The following IFNG-AS1 variants were observed in gnomAD, a reference collection of about 807,000 sequenced individuals.
IFNG-AS1 encodes the protein IFNG regulatory antisense RNA 1.
At chr12:68,008,181 C>A (rs546971628) in intron 3 of IFNG-AS1, among the ~76,000 whole-genome samples, 1 of 152,216 alleles carries the variant, frequency 6.6e-6, no homozygotes, top group Admixed American at 6.5e-5. Flanking sequence ...CTTTGAGAGG[C>A]CGAGGCAGGC....
intron 2 of IFNG-AS1, among the ~76,000 whole-genome samples, chr12:67,996,373 A>C (rs989487999): frequency 3.3e-5 from 5 of 152,248 alleles, no homozygotes; most frequent in African/African-American, 1.2e-4. Flanking sequence ...ATGCCATCTA[A>C]CTAGTTTCAT....
intron 3 of IFNG-AS1, chr12:68,006,213 A>G (rs1365896718): frequency 6.6e-6 from 1 of 152,240 alleles, no homozygotes. Flanking sequence ...CAGGTGATCA[A>G]AGGACAAAAG....
intron 1 of IFNG-AS1, among the ~76,000 whole-genome samples, chr12:67,995,395 T>TG (rs1175611679): frequency 1.6e-4 from 18 of 114,050 alleles, no homozygotes; most frequent in East Asian, 7.8e-4. Context: ...CACTCCAGCC[T>TG]GGTGACAGAG....
At chr12:68,002,911 G>A (rs1372291070) in intron 2 of IFNG-AS1, among the ~76,000 whole-genome samples, 2 of 152,072 alleles carry the variant, frequency 1.3e-5, no homozygotes, top group Non-Finnish European at 2.9e-5. Context: ...TCTCTAAGTA[G>A]GTAAAAGTAA....
chr12:67,992,167 A>G (rs940072033), intron 1 of IFNG-AS1, among the ~76,000 whole-genome samples: 1 of 152,098 alleles, frequency 6.6e-6, no homozygotes, highest in Non-Finnish European at 1.5e-5. Context: ...AATAATATTG[A>G]GTATTGTTTT....
intron 1 of IFNG-AS1, among the ~76,000 whole-genome samples, chr12:67,994,114 A>G (rs1272921015): frequency 6.6e-6 from 1 of 152,230 alleles, no homozygotes; most frequent in East Asian, 1.9e-4. Context: ...AGAGGAAGGC[A>G]GTCATCATCA....
intron 1 of IFNG-AS1, among the ~76,000 whole-genome samples, chr12:67,994,669 C>T (rs556599283): frequency 6.6e-6 from 1 of 152,178 alleles, no homozygotes; most frequent in Non-Finnish European, 1.5e-5. Context: ...AAATAAGACA[C>T]TCCTCCAAAA....
intron 2 of IFNG-AS1, among the ~76,000 whole-genome samples, chr12:67,999,855 A>G (rs914434465): frequency 1.1e-4 from 16 of 152,228 alleles, no homozygotes; most frequent in African/African-American, 3.9e-4. Flanking sequence ...ACAGTGGAGC[A>G]GTCTGGCAGA....
chr12:67,993,463 T>C (rs1271688724), intron 1 of IFNG-AS1, among the ~76,000 whole-genome samples: 1 of 152,212 alleles, frequency 6.6e-6, no homozygotes, highest in Non-Finnish European at 1.5e-5. Flanking sequence ...GCTCAGGCAG[T>C]GGAAATAAAC....
chr12:68,015,365 G>A (rs548928439), intron 3 of IFNG-AS1, among the ~76,000 whole-genome samples: 2 of 152,306 alleles, frequency 1.3e-5, no homozygotes, highest in Admixed American at 1.3e-4. Flanking sequence ...TCCACGTAAG[G>A]TTTGGAAGGG....
At chr12:67,996,706 G>C (rs1216882654) in intron 2 of IFNG-AS1, among the ~76,000 whole-genome samples, 1 of 152,176 alleles carries the variant, frequency 6.6e-6, no homozygotes, top group East Asian at 1.9e-4. Context: ...CTTGAGGAGA[G>C]GGTAATATGC....
intron 3 of IFNG-AS1, among the ~76,000 whole-genome samples, chr12:68,017,564 A>G (rs1042620450): frequency 2.0e-5 from 3 of 152,186 alleles, no homozygotes; most frequent in African/African-American, 7.2e-5. Context: ...AAGAGGTGCC[A>G]GGAATTACTC....
At chr12:67,995,859 T>G (rs1879630379) in intron 1 of IFNG-AS1, 1 of 151,938 alleles carries the variant, frequency 6.6e-6, no homozygotes, top group Non-Finnish European at 1.5e-5. Flanking sequence ...GTAGAAAATA[T>G]AAGTGGTAGG....
chr12:68,010,816 T>C (rs989428682), intron 3 of IFNG-AS1, among the ~76,000 whole-genome samples: 12 of 152,194 alleles, frequency 7.9e-5, no homozygotes, highest in African/African-American at 2.4e-5. Context: ...ATCATTTCAC[T>C]TTTTTACCCT....
chr12:67,999,119 TAGATA>T (rs1565687524), intron 2 of IFNG-AS1, among the ~76,000 whole-genome samples: 2 of 152,034 alleles, frequency 1.3e-5, no homozygotes, highest in East Asian at 1.9e-4. Context: ...TAATAGATAA[TAGATA>T]AGATAGATAG....
intron 3 of IFNG-AS1, among the ~76,000 whole-genome samples, chr12:68,018,784 A>AT (rs901542149): frequency 5.8e-4 from 8 of 13,754 alleles, no homozygotes; most frequent in African/African-American, 7.0e-4. Flanking sequence ...TTTTATATAT[A>AT]TATTTTTTTT....
intron 3 of IFNG-AS1, chr12:68,013,529 A>C (rs1388237252): frequency 6.6e-6 from 1 of 152,222 alleles, no homozygotes; most frequent in Non-Finnish European, 1.5e-5. Flanking sequence ...TACCTTCTAC[A>C]GGGTCCAATG....
intron 2 of IFNG-AS1, among the ~76,000 whole-genome samples, chr12:68,000,313 C>T (rs942219275): frequency 1.3e-5 from 2 of 152,050 alleles, no homozygotes; most frequent in Non-Finnish European, 2.9e-5. Flanking sequence ...GATTACAAAA[C>T]TTCATTTTAA....
intron 3 of IFNG-AS1, among the ~76,000 whole-genome samples, chr12:68,007,896 C>A (rs1879941518): frequency 6.6e-6 from 1 of 151,960 alleles, no homozygotes; most frequent in Non-Finnish European, 1.5e-5. Context: ...ATCTTGAATC[C>A]CCTGGGTCAA....
Sources: gnomAD v4.1 joint callset for allele counts (sites outside exome capture counted in the v4.1 genomes callset) on GRCh38, gnomAD v4.1.1 for gene constraint, MANE v1.5 for transcripts, NCBI Gene and HGNC (gene_info 2026-07-23, HGNC 2026-07-21) for gene names.